The following HPS5 variants were observed in gnomAD, a reference collection of about 807,000 sequenced individuals.
HPS5 encodes the protein HPS5 biogenesis of lysosomal organelles complex 2 subunit 2, also known as BLOC-2 complex member HPS5.
HPS5 carries 83 observed loss-of-function variants against 128.0 expected under a neutral mutation model. That is an observed-to-expected ratio of 0.65 (90% CI 0.54 to 0.78). The LOEUF is 0.78. Ranked by LOEUF, HPS5 falls within the 30% of genes least tolerant of loss-of-function variation. The pLI is 0.00. For synonymous variants in HPS5, 475 were observed against 470.2 expected, an observed-to-expected ratio of 1.01 and a Z score of -0.13; for missense variants, 1,281 against 1,326.2, an observed-to-expected ratio of 0.97 and a Z score of 0.53.
At chr11:18,305,865 G>C (rs1862294309) in intron 7 of HPS5, among the ~76,000 whole-genome samples, 1 of 152,022 alleles carries the variant, frequency 6.6e-6, no homozygotes, top group Non-Finnish European at 1.5e-5. Context: ...GAGTAGCTGG[G>C]ACTACAGGCA....
chr11:18,297,801 C>T (rs914792825), intron 10 of HPS5, 84 bp from the exon 11 acceptor site: 10 of 1,352,816 alleles, frequency 7.4e-6, no homozygotes, highest in South Asian at 1.2e-5. Flanking sequence ...AGGTCTAGGC[C>T]GGGCACGGTG....
chr11:18,286,948 G>C, intron 18 of HPS5: 136 of 588,450 alleles, frequency 2.3e-4, no homozygotes, highest in Middle Eastern at 4.6e-4. Flanking sequence ...GAGAAAGAAA[G>C]AGACAAATAA....
chr11:18,321,294 TTC>T, intron 1 of HPS5, among the ~76,000 whole-genome samples: 1 of 152,380 alleles, frequency 6.6e-6, no homozygotes, highest in East Asian at 1.9e-4. Flanking sequence ...GACTCTTTTT[TTC>T]TTTTTCATTC....
chr11:18,281,975 G>A lies in HPS5; in HGVS notation c.3304C>T (p.Leu1102=). 3 of 1,614,172 alleles carry A rather than the reference G, an allele frequency of 1.9e-6. No homozygotes were observed. Among genetic ancestry groups the A allele is most frequent in the Non-Finnish European group, 1.7e-6 (2 of 1,180,054 alleles). The change falls in exon 22 of 23, where the codon CTG becomes TTG. Residue 1102 remains leucine, a synonymous_variant. Transcript: ENST00000349215. ...SEKFTRTCDI[L]RIAEKRQRAL... Reference sequence around the variant, plus strand: ...CTCTGCCTTTTCTCAGCAATCCTCAGGATATCGCAGGTTCTGGTAAACTTC... The same window carrying A: ...CTCTGCCTTTTCTCAGCAATCCTCAAGATATCGCAGGTTCTGGTAAACTTC...
intron 10 of HPS5, among the ~76,000 whole-genome samples, chr11:18,298,494 A>AAAT (rs1037464308): frequency 2.0e-5 from 3 of 152,116 alleles, no homozygotes; most frequent in African/African-American, 4.8e-5. Context: ...GACTGTCTCA[A>AAAT]AATAATAATA....
intron 18 of HPS5, 21 bp downstream of exon 18, chr11:18,287,514 C>A (rs2134248932): frequency 6.2e-7 from 1 of 1,613,152 alleles, no homozygotes; most frequent in Non-Finnish European, 8.5e-7. Context: ...GGAGAGTCTG[C>A]AAATATGCTC....
chr11:18,304,279 C>T (rs192260391), intron 8 of HPS5, among the ~76,000 whole-genome samples: 3 of 150,726 alleles, frequency 2.0e-5, no homozygotes, highest in African/African-American at 4.9e-5. Context: ...TGCAATGGCA[C>T]GATCTCGGCT....
At position 18,296,414 on chromosome 11, in the gene HPS5, A is replaced by T. The variant is rs1299268957; in HGVS notation, c.1511-292T>A. The T allele has an allele frequency of 5.7e-5, 31 of 540,270 alleles. No homozygotes were observed. In the East Asian group the frequency reaches 9.7e-4, roughly 17 times the overall value. The allele number at this position is 540,270 out of a possible 1,614,324, so 33.5% of individuals were successfully genotyped here. ...TCTTCTCACTAGTTCAGCCACAGGAATACTCGCACATCGAAAAAGGAAGGC... is the reference window on the plus strand; with the variant it reads ...TCTTCTCACTAGTTCAGCCACAGGATTACTCGCACATCGAAAAAGGAAGGC... On this transcript the variant is annotated intron_variant, in intron 12 of 22. Coordinates refer to ENST00000349215, the MANE Select transcript of HPS5 (RefSeq NM_181507.2).
chr11:18,293,894 A>C (rs188780582), intron 14 of HPS5, among the ~76,000 whole-genome samples: 73 of 152,180 alleles, frequency 4.8e-4, no homozygotes, highest in Non-Finnish European at 8.8e-4. Context: ...GGTCAGATAG[A>C]AGGCTGCATT....
At chr11:18,297,758 A>G in intron 10 of HPS5, 41 bp from the exon 11 acceptor site, 1 of 1,585,570 alleles carries the variant, frequency 6.3e-7, no homozygotes, top group Non-Finnish European at 8.6e-7. Flanking sequence ...ATTTGTAGGT[A>G]AATCTATATT....
In HPS5 at chr11:18,297,050, T is replaced by G. The variant is rs951675851; in HGVS notation, c.1324-66A>C. 3.9e-6 allele frequency: 4 copies of G among 1,013,660 alleles called. No individual in the cohort carries two copies. The Admixed American group carries it at 5.9e-5, about 15-fold the overall frequency. The allele number at this position is 1,013,660 out of a possible 1,614,324, so 62.8% of individuals were successfully genotyped here. A position where few individuals can be genotyped will look rare whatever the true frequency, so the allele number is the denominator to read the frequency against. On this transcript the variant is annotated intron_variant, in intron 11 of 22. Transcript: ENST00000349215. ...TTTCCTTTATAACGTTAATATAACT[T>G]CTGCAGAGAAATACCAACACTCAAA...
At chr11:18,321,100 C>T (rs1864265077) in intron 1 of HPS5, among the ~76,000 whole-genome samples, 1 of 152,194 alleles carries the variant, frequency 6.6e-6, no homozygotes, top group African/African-American at 2.4e-5. Flanking sequence ...CATGAGGGTT[C>T]AATTTATTAT....
intron 18 of HPS5, 116 bp downstream of exon 18, chr11:18,287,419 A>C (rs895909664): frequency 1.3e-5 from 15 of 1,124,304 alleles, no homozygotes; most frequent in Non-Finnish European, 1.9e-5. Flanking sequence ...CCTCTTCCAT[A>C]GTATGTGCCT....
At chr11:18,312,181 A>G (rs1863096591) in intron 2 of HPS5, among the ~76,000 whole-genome samples, 157 bp from the exon 3 acceptor site, 1 of 152,268 alleles carries the variant, frequency 6.6e-6, no homozygotes, top group Non-Finnish European at 1.5e-5. Context: ...CTCTAGTTCT[A>G]GAATAGTAAA....
At position 18,282,045 on chromosome 11, in the gene HPS5, A is replaced by C. The variant is rs1292181825; in HGVS notation, c.3234T>G (p.Ala1078=). The change falls in exon 22 of 23, where the codon GCT becomes GCG. Residue 1078 remains alanine, a synonymous_variant. Transcript: ENST00000349215. ...LLAKAMGPDR[A]WSLLQECGLA... ...GACCACATTCCTGTAGCAGTGACCA[A>C]GCCCGATCTGGGCCCATGGCCTTAG... 6.2e-7 allele frequency: 1 copy of C among 1,614,214 alleles called. No homozygotes were observed. The highest frequency in any genetic ancestry group is 8.5e-7 in the Non-Finnish European group (1 of 1,180,036).
At position 18,279,795 on chromosome 11, in the gene HPS5, C is replaced by G; in HGVS notation, c.*87G>C. The G allele has an allele frequency of 1.5e-6, 2 of 1,321,148 alleles. No individual in the cohort carries two copies. The allele number at this position is 1,321,148 out of a possible 1,614,324, so 81.8% of individuals were successfully genotyped here. ...GGCAGGATTTGGGGGTGGTGTCTTT[C>G]CTTCAATAACAAATGCGTTCAGAAG... On this transcript the variant is annotated 3_prime_UTR_variant, in exon 23 of 23. Coordinates refer to ENST00000349215, the MANE Select transcript of HPS5 (RefSeq NM_181507.2).
At chr11:18,282,726 T>C (rs892765310) in intron 21 of HPS5, among the ~76,000 whole-genome samples, 4 of 152,086 alleles carry the variant, frequency 2.6e-5, no homozygotes, top group Admixed American at 2.6e-4. Flanking sequence ...AGTATATACT[T>C]ATAAAGTATG....
rs1860895268 is a variant in HPS5, at chr11:18,295,076, C to T, written c.1728G>A (p.Glu576=). ...AACTCACATCCTCTTCACATGATTG[C>T]TCATCACCCCTGAGCTCTGGTCTCA... is the stretch of plus-strand genomic sequence containing the variant. The part of the protein sequence containing the change: ...LKVRPELRGD[E]QSCEEDVSSD... Residue 576 remains glutamate (E), a synonymous_variant, in exon 14 of 23, where the codon GAG becomes GAA. Coordinates refer to ENST00000349215, the MANE Select transcript of HPS5 (RefSeq NM_181507.2). 6.2e-7 allele frequency: 1 copy of T among 1,614,078 alleles called. No individual in the cohort carries two copies. The highest frequency in any genetic ancestry group is 1.1e-5 in the South Asian group (1 of 91,092).
At position 18,282,220 on chromosome 11, in the gene HPS5, C is replaced by T. The variant is rs760649247; in HGVS notation, c.3059G>A (p.Gly1020Asp). The T allele has an allele frequency of 6.2e-7, 1 of 1,614,040 alleles. No homozygotes were observed. Among genetic ancestry groups the T allele is most frequent in the Non-Finnish European group, 8.5e-7 (1 of 1,180,028 alleles). Residue 1020 changes from glycine to aspartate, a missense_variant and splice_region_variant, in exon 22 of 23, where the codon GGT (glycine) becomes GAT (aspartate). By Grantham distance (94) the Gly-to-Asp change is moderately conservative. Transcript: ENST00000349215. ...NDMSLMEGDN[G>D]WIPETVEEWK... The stretch of plus-strand genomic sequence containing the variant: ...TTCCTCCACGGTCTCTGGGATCCAA[C>T]CTAAACACACACAGGGAAGTGTCAG...
Sources: gnomAD v4.1 joint callset for allele counts (sites outside exome capture counted in the v4.1 genomes callset) on GRCh38, gnomAD v4.1.1 for gene constraint, MANE v1.5 for transcripts, NCBI Gene and HGNC (gene_info 2026-07-23, HGNC 2026-07-21) for gene names.